The following SRBD1 variants were observed in gnomAD, a reference collection of about 807,000 sequenced individuals.
SRBD1 encodes the protein S1 RNA binding domain 1, also known as S1 RNA-binding domain-containing protein 1.
SRBD1 carries 88 observed loss-of-function variants against 115.3 expected under a neutral mutation model. That is an observed-to-expected ratio of 0.76 (90% CI 0.64 to 0.91). The LOEUF is 0.91. SRBD1 is among the 40% of genes least tolerant of loss of function. The pLI is 0.00. For missense variants in SRBD1, 1,385 were observed against 1,177.4 expected (o/e 1.18, Z -2.58); for synonymous variants, 509 against 407.7 (o/e 1.25, Z -2.99).
intron 15 of SRBD1, among the ~76,000 whole-genome samples, 162 bp from the exon 16 acceptor site, chr2:45,477,237 C>T (rs1022593153): frequency 6.6e-6 from 1 of 152,048 alleles, no homozygotes; most frequent in Non-Finnish European, 1.5e-5. Context: ...TCTTTTTTCC[C>T]CACACAAAAA....
intron 16 of SRBD1, among the ~76,000 whole-genome samples, chr2:45,449,068 C>T (rs551045345): frequency 5.3e-5 from 8 of 152,166 alleles, no homozygotes; most frequent in South Asian, 2.1e-4. Context: ...TAATTTTAAA[C>T]GATTGCAGAT....
intron 4 of SRBD1, among the ~76,000 whole-genome samples, chr2:45,595,990 CA>C (rs1673883081): frequency 6.6e-6 from 1 of 150,798 alleles, no homozygotes; most frequent in Admixed American, 6.6e-5. Context: ...ACATTCACTT[CA>C]AAAAAGGAAG....
intron 19 of SRBD1, among the ~76,000 whole-genome samples, chr2:45,406,620 C>A (rs1449624125): frequency 6.6e-6 from 1 of 152,082 alleles, no homozygotes; most frequent in Admixed American, 6.6e-5. Flanking sequence ...CAAACACATG[C>A]CTCATATAAA....
intron 1 of SRBD1, among the ~76,000 whole-genome samples, chr2:45,607,770 A>T (rs149513085): frequency 1.3e-5 from 2 of 152,332 alleles, no homozygotes; most frequent in Admixed American, 1.3e-4. Context: ...CCCAGGAAAA[A>T]GACTGTAAGT....
intron 14 of SRBD1, among the ~76,000 whole-genome samples, chr2:45,537,371 C>A (rs12999455): frequency 0.11 from 16,734 of 152,220 alleles, 1,072 homozygotes; most frequent in East Asian, 0.2. Flanking sequence ...TAAAAATACA[C>A]ACACTCTTAT....
At position 45,424,515 on chromosome 2, in the gene SRBD1, C is replaced by T. The variant is rs549760009; in HGVS notation, c.2050-4621G>A. 6.6e-5 allele frequency among the ~76,000 whole-genome samples: 10 copies of T among 152,208 alleles called. No homozygotes were observed. The East Asian group carries it at 1.3e-3, about 21-fold the overall frequency. On this transcript the variant is annotated intron_variant, in intron 16 of 20. Transcript: ENST00000263736. ...AATTCATGAACAGCCCATATCTATA[C>T]ATTAAGTTAAATCTGTTCTAAATTT...
At chr2:45,460,493 G>A (rs1033250910) in intron 16 of SRBD1, among the ~76,000 whole-genome samples, 5 of 152,100 alleles carry the variant, frequency 3.3e-5, no homozygotes, top group African/African-American at 1.2e-4. Flanking sequence ...GGCACAGAAG[G>A]AAATGCTGAG....
intron 14 of SRBD1, among the ~76,000 whole-genome samples, chr2:45,499,469 G>GTTTCC (rs1670559779): frequency 6.6e-6 from 1 of 152,070 alleles, no homozygotes; most frequent in Non-Finnish European, 1.5e-5. Context: ...TTTGTTGACT[G>GTTTCC]TTTCCTTTGC....
chr2:45,518,940 T>C (rs1671200368), intron 14 of SRBD1, among the ~76,000 whole-genome samples: 1 of 148,126 alleles, frequency 6.8e-6, no homozygotes, highest in African/African-American at 2.5e-5. Context: ...TTTCTCAGGG[T>C]GAGCTCCTAA....
At chr2:45,499,967 T>TA (rs1670576957) in intron 14 of SRBD1, among the ~76,000 whole-genome samples, 1 of 152,320 alleles carries the variant, frequency 6.6e-6, no homozygotes, top group African/African-American at 2.4e-5. Flanking sequence ...AGGATTGCAT[T>TA]AGCTATTTGG....
chr2:45,429,786 G>A (rs1558388129), intron 16 of SRBD1, among the ~76,000 whole-genome samples: 2 of 152,142 alleles, frequency 1.3e-5, no homozygotes. Flanking sequence ...GGAAGTTCTG[G>A]CCACGGCAAT....
At chr2:45,607,172 C>T (rs1429530267) in intron 1 of SRBD1, among the ~76,000 whole-genome samples, 2 of 152,094 alleles carry the variant, frequency 1.3e-5, no homozygotes, top group Non-Finnish European at 2.9e-5. Flanking sequence ...ATTTTTTAGA[C>T]ATTGATCATG....
chr2:45,427,605 T>C (rs1239370626), intron 16 of SRBD1, among the ~76,000 whole-genome samples: 9 of 152,170 alleles, frequency 5.9e-5, no homozygotes, highest in Non-Finnish European at 1.2e-4. Flanking sequence ...TCCTCCCTAA[T>C]TCATTTAATG....
chr2:45,413,417 C>T (rs1354452643), intron 18 of SRBD1, 124 bp from the exon 19 acceptor site: 9 of 1,136,166 alleles, frequency 7.9e-6, no homozygotes, highest in East Asian at 2.5e-5. Context: ...AGATTTTGAC[C>T]TTTTACTTCA....
At chr2:45,422,965 T>A (rs934236972) in intron 16 of SRBD1, among the ~76,000 whole-genome samples, 1 of 152,170 alleles carries the variant, frequency 6.6e-6, no homozygotes, top group African/African-American at 2.4e-5. Context: ...TTTGGAAGTG[T>A]TGATAGTGAC....
chr2:45,582,524 T>C (rs750268814), intron 5 of SRBD1, among the ~76,000 whole-genome samples: 29 of 152,192 alleles, frequency 1.9e-4, no homozygotes, highest in Non-Finnish European at 8.8e-5. Context: ...TATATAATTA[T>C]CCCATTCCTC....
intron 16 of SRBD1, among the ~76,000 whole-genome samples, chr2:45,453,713 T>C (rs1490368665): frequency 6.6e-6 from 1 of 152,028 alleles, no homozygotes; most frequent in Non-Finnish European, 1.5e-5. Context: ...CTTTCTGTTT[T>C]TGTTTTTAAT....
chr2:45,493,706 C>T (rs1381570129), intron 14 of SRBD1, among the ~76,000 whole-genome samples: 1 of 151,298 alleles, frequency 6.6e-6, no homozygotes, highest in Non-Finnish European at 1.5e-5. Context: ...CCCAGCTACT[C>T]AGGAGGCTGA....
intron 4 of SRBD1, 52 bp from the exon 5 acceptor site, chr2:45,585,826 T>A: frequency 7.2e-7 from 1 of 1,379,490 alleles, no homozygotes; most frequent in South Asian, 1.4e-5. Flanking sequence ...TAAACATCTA[T>A]ATCATGTATA....
Sources: allele counts gnomAD v4.1 joint callset (sites outside exome capture counted in the v4.1 genomes callset), GRCh38; gene constraint gnomAD v4.1.1; transcripts MANE v1.5; gene names NCBI Gene and HGNC (gene_info 2026-07-23, HGNC 2026-07-21).